CPVL: variants seen among roughly 807,000 people sequenced by gnomAD.
The protein encoded by CPVL is probable serine carboxypeptidase CPVL.
Under a neutral mutation model 63.7 loss-of-function variants are expected in CPVL, and 51 were observed. The observed-to-expected ratio is 0.80, with a 90% CI of 0.64 to 1.01. The LOEUF (loss-of-function observed/expected upper bound fraction) is 1.01, where lower values mean the gene tolerates loss of function less well. Among genes scored for constraint, CPVL ranks in the 50% least tolerant of loss-of-function variants. The pLI is 0.00. For missense variants in CPVL, 530 were observed against 573.1 expected, an observed-to-expected ratio of 0.92 and a Z score of 0.77; for synonymous variants, 195 against 206.0, an observed-to-expected ratio of 0.95 and a Z score of 0.46.
chr7:29,180,775 G>T (rs994675363), intron 5 of CPVL, among the ~76,000 whole-genome samples: 1 of 152,138 alleles, frequency 6.6e-6, no homozygotes. Flanking sequence ...GTTAGAGCTG[G>T]GTTCAAATCC....
chr7:29,167,151 A>G (rs556240582), intron 5 of CPVL, among the ~76,000 whole-genome samples: 1 of 152,202 alleles, frequency 6.6e-6, no homozygotes, highest in East Asian at 1.9e-4. Context: ...AGTGTACTCA[A>G]AGGTACAATA....
chr7:29,112,263 G>A (rs961582757), intron 3 of CPVL, among the ~76,000 whole-genome samples: 16 of 152,118 alleles, frequency 1.1e-4, no homozygotes, highest in East Asian at 3.9e-4. Flanking sequence ...CACAGACAGC[G>A]CAGCTATACA....
intron 9 of CPVL, 84 bp downstream of exon 9, chr7:29,071,689 G>T: frequency 6.8e-7 from 1 of 1,479,460 alleles, no homozygotes. Context: ...AAATGCCTGA[G>T]CACCAAGGTG....
chr7:29,128,696 C>T (rs1049673465), intron 1 of CPVL, among the ~76,000 whole-genome samples: 6 of 121,842 alleles, frequency 4.9e-5, no homozygotes, highest in African/African-American at 2.0e-4. Context: ...GCCTGGGCAA[C>T]AGAGTAAGAC....
chr7:29,045,116 A>G (rs1789489844), intron 11 of CPVL, among the ~76,000 whole-genome samples: 1 of 152,240 alleles, frequency 6.6e-6, no homozygotes, highest in African/African-American at 2.4e-5. Context: ...GAGAAAATAC[A>G]AACACACACG....
chr7:29,096,189 A>T lies in CPVL; in HGVS notation c.317T>A (p.Leu106His), dbSNP rs1176099428. 6.2e-7 allele frequency: 1 copy of T among 1,614,074 alleles called. No individual in the cohort carries two copies. Among genetic ancestry groups the T allele is most frequent in the Non-Finnish European group, 8.5e-7 (1 of 1,179,998 alleles). ...ACCTCCCGGCCCACCCTGTAGCCAGAGAACTACTGGGGCATCTTCTGGCTG... is the reference window on the plus strand; with the variant it reads ...ACCTCCCGGCCCACCCTGTAGCCAGTGAACTACTGGGGCATCTTCTGGCTG... ...QIQPEDAPVVLWLQGGPGGSS... is the reference protein window; with the variant it reads ...QIQPEDAPVVHWLQGGPGGSS... Residue 106 changes from leucine (L) to histidine (H), a missense_variant, in exon 4 of 13, where the codon CTC becomes CAC. Physicochemically the swap from Leu to His is moderately conservative, Grantham distance 99. Coordinates refer to ENST00000265394, the MANE Select transcript of CPVL (RefSeq NM_031311.5).
chr7:29,170,968 C>T (rs532882464), intron 5 of CPVL, among the ~76,000 whole-genome samples: 2 of 152,286 alleles, frequency 1.3e-5, no homozygotes, highest in East Asian at 3.9e-4. Flanking sequence ...TCAATTACCT[C>T]CCACGGGGTC....
chr7:29,181,336 AT>A, exon 5 of CPVL: 1 of 152,236 alleles, frequency 6.6e-6, no homozygotes, highest in South Asian at 2.1e-4. Flanking sequence ...TATATAGAAT[AT>A]ACTGTGTTTG....
At chr7:29,150,571 G>A (rs1793453129), upstream of CPVL, among the ~76,000 whole-genome samples, 1 of 152,174 alleles carries the variant, frequency 6.6e-6, no homozygotes, top group Admixed American at 6.5e-5. Flanking sequence ...TACACATCTT[G>A]ATCAGGTAAA....
intron 12 of CPVL, among the ~76,000 whole-genome samples, chr7:29,006,396 T>C (rs1785200295): frequency 6.6e-6 from 1 of 152,224 alleles, no homozygotes; most frequent in South Asian, 2.1e-4. Flanking sequence ...CTAAAACTTC[T>C]TTGAAACCTT....
At chr7:29,080,004 A>C (rs2128587856) in intron 7 of CPVL, among the ~76,000 whole-genome samples, 1 of 152,290 alleles carries the variant, frequency 6.6e-6, no homozygotes, top group South Asian at 2.1e-4. Flanking sequence ...AGCTGTGCAC[A>C]ATAGACTGAG....
chr7:29,035,149 A>T (rs1352753885), intron 11 of CPVL, among the ~76,000 whole-genome samples: 1 of 150,760 alleles, frequency 6.6e-6, no homozygotes, highest in African/African-American at 2.5e-5. Flanking sequence ...ATTATTATTA[A>T]TTCTTTCTTG....
At chr7:29,144,716 C>T (rs1338130988) in intron 1 of CPVL, among the ~76,000 whole-genome samples, 2 of 152,150 alleles carry the variant, frequency 1.3e-5, no homozygotes, top group African/African-American at 4.8e-5. Context: ...TTTCCTCTGA[C>T]AAACTAGATG....
intron 11 of CPVL, among the ~76,000 whole-genome samples, chr7:29,054,763 T>C (rs1584116311): frequency 6.6e-6 from 1 of 152,336 alleles, no homozygotes; most frequent in East Asian, 1.9e-4. Flanking sequence ...TAGTATTCTC[T>C]TCTTAATGCC....
chr7:29,037,409 C>T (rs317757), intron 11 of CPVL, among the ~76,000 whole-genome samples: 40,828 of 151,072 alleles, frequency 0.27, 7,228 homozygotes, highest in African/African-American at 0.51. Context: ...AAAAATTAGC[C>T]GGGCATGGTG....
chr7:29,066,139 G>GAGAA lies in CPVL; in HGVS notation c.865-22_865-19dup, dbSNP rs542606629. ...TCCAGTATCTAGGTTGGGAGAGAGG[G>GAGAA]AGAAAGAAAGAAAGAAAGAAAACAT... On this transcript the variant is annotated intron_variant, in intron 9 of 12. Coordinates refer to ENST00000265394, the MANE Select transcript of CPVL (RefSeq NM_031311.5). The GAGAA allele has an allele frequency of 1.1e-4, 132 of 1,229,558 alleles. No homozygotes were observed. The highest frequency in any genetic ancestry group is 1.1e-3 in the African/African-American group (70 of 66,014). 76.2% of individuals were successfully genotyped at this position (1,229,558 alleles called of 1,614,324 possible). A position where few individuals can be genotyped will look rare whatever the true frequency, so the allele number is the denominator to read the frequency against.
At chr7:29,152,838 A>G (rs1314183821) in intron 5 of CPVL, among the ~76,000 whole-genome samples, 1 of 152,242 alleles carries the variant, frequency 6.6e-6, no homozygotes, top group East Asian at 1.9e-4. Flanking sequence ...GATCCTTGTT[A>G]TTCGTGGATT....
At chr7:29,146,926 G>T (rs1366228860), upstream of CPVL, 8 of 1,551,052 alleles carry the variant, frequency 5.2e-6, no homozygotes, top group East Asian at 7.3e-5. Context: ...GGCAACACAC[G>T]TTCGCTGATG....
At chr7:29,002,950 A>G (rs1474421524) in intron 12 of CPVL, among the ~76,000 whole-genome samples, 1 of 152,062 alleles carries the variant, frequency 6.6e-6, no homozygotes. Context: ...GGATAAAATG[A>G]TAAGGAAGAA....
Sources: gnomAD v4.1 joint callset for allele counts (sites outside exome capture counted in the v4.1 genomes callset) on GRCh38, gnomAD v4.1.1 for gene constraint, MANE v1.5 for transcripts, NCBI Gene and HGNC (gene_info 2026-07-23, HGNC 2026-07-21) for gene names.